Variants in NKAIN2 observed in about 807,000 individuals in gnomAD.
The protein encoded by NKAIN2 is sodium/potassium-transporting ATPase subunit beta-1-interacting protein 2.
Under a neutral mutation model 32.6 loss-of-function variants are expected in NKAIN2, and 14 were observed. That is an observed-to-expected ratio of 0.43 (90% CI 0.28 to 0.67). The LOEUF is 0.67. Ranked by LOEUF, NKAIN2 falls within the 30% of genes least tolerant of loss-of-function variation. NKAIN2 has a pLI of 0.17. For missense variants in NKAIN2, 198 were observed against 258.3 expected (o/e 0.77, Z 1.60); for synonymous variants, 80 against 87.2 (o/e 0.92, Z 0.46).
chr6:124,048,470 G>A (rs1415427752), intron 1 of NKAIN2, among the ~76,000 whole-genome samples: 2 of 151,972 alleles, frequency 1.3e-5, no homozygotes, highest in Non-Finnish European at 2.9e-5. Flanking sequence ...ATTTTATATC[G>A]CTGATATTAA....
intron 1 of NKAIN2, among the ~76,000 whole-genome samples, chr6:123,954,297 C>G (rs1312894572): frequency 6.6e-6 from 1 of 152,178 alleles, no homozygotes; most frequent in East Asian, 1.9e-4. Context: ...GCAGTGCCTT[C>G]CTATGGTCTT....
chr6:124,499,021 G>A (rs1778179661), intron 3 of NKAIN2, among the ~76,000 whole-genome samples: 1 of 152,048 alleles, frequency 6.6e-6, no homozygotes, highest in Admixed American at 6.6e-5. Flanking sequence ...GCCGGCCGTG[G>A]CCTCCCAAAG....
chr6:124,411,738 G>A (rs565859962), intron 3 of NKAIN2, among the ~76,000 whole-genome samples: 1 of 152,320 alleles, frequency 6.6e-6, no homozygotes, highest in Admixed American at 6.5e-5. Flanking sequence ...TGCCTTGCTA[G>A]ATTGGGGAAG....
chr6:124,301,780 C>T (rs1796302396), intron 2 of NKAIN2, among the ~76,000 whole-genome samples: 1 of 152,178 alleles, frequency 6.6e-6, no homozygotes, highest in African/African-American at 2.4e-5. Context: ...TTGGAATGGG[C>T]ATATTTACCC....
intron 1 of NKAIN2, among the ~76,000 whole-genome samples, chr6:124,252,547 A>G (rs1465422245): frequency 2.0e-5 from 3 of 152,134 alleles, no homozygotes; most frequent in Non-Finnish European, 4.4e-5. Context: ...AGATATTTTC[A>G]TTCTTTAAAA....
At chr6:124,398,037 A>G (rs1773461958) in intron 3 of NKAIN2, among the ~76,000 whole-genome samples, 1 of 151,638 alleles carries the variant, frequency 6.6e-6, no homozygotes, top group Admixed American at 6.6e-5. Context: ...GCGGATCACG[A>G]GGTCAGGAGA....
intron 3 of NKAIN2, among the ~76,000 whole-genome samples, chr6:124,538,261 G>A (rs970729242): frequency 6.6e-6 from 1 of 151,786 alleles, no homozygotes; most frequent in Non-Finnish European, 1.5e-5. Context: ...GTAAGTATCT[G>A]TAGGGAAGAC....
intron 1 of NKAIN2, among the ~76,000 whole-genome samples, chr6:123,976,127 G>T (rs1241147443): frequency 6.6e-6 from 1 of 151,016 alleles, no homozygotes; most frequent in Admixed American, 6.6e-5. Context: ...CCCCAGCCAC[G>T]TGGAACTGTG....
At chr6:124,645,471 C>T (rs1205421677) in intron 3 of NKAIN2, among the ~76,000 whole-genome samples, 1 of 152,190 alleles carries the variant, frequency 6.6e-6, no homozygotes, top group East Asian at 1.9e-4. Flanking sequence ...AAACTGCATA[C>T]TATGCAGCAA....
At chr6:124,463,868 G>A (rs494258) in intron 3 of NKAIN2, among the ~76,000 whole-genome samples, 21,645 of 151,982 alleles carry the variant, frequency 0.14, 1,903 homozygotes, top group East Asian at 0.25. Flanking sequence ...ATTTTGATTG[G>A]TTTCAATCCA....
intron 2 of NKAIN2, among the ~76,000 whole-genome samples, chr6:124,294,874 AAC>A (rs1795981741): frequency 6.6e-6 from 1 of 152,144 alleles, no homozygotes; most frequent in Non-Finnish European, 1.5e-5. Context: ...CATTTTCTGA[AAC>A]ACAGCGGAAT....
At chr6:124,778,662 C>CT (rs1323169786) in intron 4 of NKAIN2, among the ~76,000 whole-genome samples, 1 of 151,856 alleles carries the variant, frequency 6.6e-6, no homozygotes, top group Non-Finnish European at 1.5e-5. Context: ...TCTTAAAGAA[C>CT]TTTTAAAATT....
intron 1 of NKAIN2, among the ~76,000 whole-genome samples, chr6:124,120,537 A>C (rs918112908): frequency 1.3e-5 from 2 of 152,190 alleles, no homozygotes; most frequent in African/African-American, 4.8e-5. Context: ...GATAAAAATG[A>C]GGTAGAGTGA....
intron 2 of NKAIN2, among the ~76,000 whole-genome samples, chr6:124,323,924 A>G (rs1211204418): frequency 2.0e-5 from 3 of 151,442 alleles, no homozygotes; most frequent in Admixed American, 6.6e-5. Flanking sequence ...AGGAGCTGGG[A>G]CTACAGGCGC....
chr6:124,779,247 AAGAGAGAGAGAGAGAG>A (rs71024703), intron 4 of NKAIN2, among the ~76,000 whole-genome samples: 3 of 75,370 alleles, frequency 4.0e-5, no homozygotes, highest in Non-Finnish European at 7.4e-5. Context: ...CCAACAAAGA[AAGAGAGAGAGAGAGAG>A]AGAGAGAGAG....
chr6:124,336,885 A>G (rs1231607088), intron 2 of NKAIN2, among the ~76,000 whole-genome samples: 12 of 151,852 alleles, frequency 7.9e-5, no homozygotes, highest in Admixed American at 7.9e-4. Flanking sequence ...GTTGGCCAGG[A>G]TGGTCTCGAT....
At position 124,502,680 on chromosome 6, in the gene NKAIN2, T is replaced by A. The variant is rs372535253; in HGVS notation, c.273+147333T>A. Among the ~76,000 whole-genome samples, 9 of 152,340 alleles carry A rather than the reference T, an allele frequency of 5.9e-5. No homozygotes were observed. In the East Asian group the frequency reaches 1.7e-3, roughly 29 times the overall value. On this transcript the variant is annotated intron_variant, in intron 3 of 6. Transcript: ENST00000368417. Reference sequence around the variant, plus strand: ...GATACTGGAGTCAGATGTGAGATAATGATCTTCCCTCATTTTTTTCAGAAG... The same window carrying A: ...GATACTGGAGTCAGATGTGAGATAAAGATCTTCCCTCATTTTTTTCAGAAG...
intron 4 of NKAIN2, among the ~76,000 whole-genome samples, chr6:124,679,918 G>A (rs1393793004): frequency 1.3e-5 from 2 of 152,086 alleles, no homozygotes; most frequent in Non-Finnish European, 2.9e-5. Flanking sequence ...GTTGATAAAT[G>A]AGTCTGAAAT....
intron 2 of NKAIN2, among the ~76,000 whole-genome samples, chr6:124,303,697 A>T (rs1308240465): frequency 6.6e-6 from 1 of 152,228 alleles, no homozygotes; most frequent in African/African-American, 2.4e-5. Context: ...CAGGGAAGTT[A>T]TATGATCAGA....
Sources: gnomAD v4.1 joint callset for allele counts (sites outside exome capture counted in the v4.1 genomes callset) on GRCh38, gnomAD v4.1.1 for gene constraint, MANE v1.5 for transcripts, NCBI Gene and HGNC (gene_info 2026-07-23, HGNC 2026-07-21) for gene names.